Variants in NAV3 observed in about 807,000 individuals in gnomAD.
NAV3 encodes neuron navigator 3.
NAV3 carries 87 observed loss-of-function variants against 244.7 expected under a neutral mutation model. The ratio of observed to expected loss-of-function variants is 0.36; its 90% CI spans 0.30 to 0.42. NAV3 has a LOEUF of 0.42. Among genes scored for constraint, NAV3 ranks in the 20% least tolerant of loss-of-function variants. The pLI, the probability that NAV3 is intolerant of heterozygous loss-of-function variation, is 1.00. For synonymous variants in NAV3, 1,126 were observed against 1,042.2 expected (o/e 1.08, Z -1.55); for missense variants, 2,663 against 2,893.3 (o/e 0.92, Z 1.83).
chr12:77,694,019 G>A (rs1242440637), intron 2 of NAV3, among the ~76,000 whole-genome samples: 1 of 152,026 alleles, frequency 6.6e-6, no homozygotes, highest in African/African-American at 2.4e-5. Context: ...TTTTGCTACA[G>A]TAATGCAATC....
intron 9 of NAV3, among the ~76,000 whole-genome samples, chr12:78,048,513 C>A (rs1882220378): frequency 6.6e-6 from 1 of 152,176 alleles, no homozygotes. Flanking sequence ...GAGGTTCACT[C>A]CAGATCCTAT....
intron 2 of NAV3, among the ~76,000 whole-genome samples, chr12:77,658,907 T>C (rs1265764325): frequency 2.6e-5 from 4 of 152,236 alleles, no homozygotes; most frequent in Admixed American, 6.5e-5. Context: ...GCTATCCATA[T>C]GTAGAAAGCT....
chr12:77,880,209 C>T (rs967783407), intron 1 of NAV3, among the ~76,000 whole-genome samples: 5 of 152,042 alleles, frequency 3.3e-5, no homozygotes, highest in African/African-American at 7.2e-5. Flanking sequence ...AGTCATGAGT[C>T]GCACAATTCT....
At chr12:77,956,088 A>C (rs1197411156) in intron 3 of NAV3, among the ~76,000 whole-genome samples, 3 of 152,168 alleles carry the variant, frequency 2.0e-5, no homozygotes, top group South Asian at 4.1e-4. Flanking sequence ...TAACCAAAGC[A>C]AAAATATTAC....
chr12:77,710,371 T>TTGGCTATCACACCCGATGAGGCAA (rs1876048446), intron 2 of NAV3, among the ~76,000 whole-genome samples: 1 of 152,190 alleles, frequency 6.6e-6, no homozygotes, highest in African/African-American at 2.4e-5. Flanking sequence ...TGTGTGGAGC[T>TTGGCTATCACACCCGATGAGGCAA]CTTCCAGATA....
chr12:78,105,717 A>G (rs1954767341), intron 12 of NAV3, among the ~76,000 whole-genome samples: 1 of 151,670 alleles, frequency 6.6e-6, no homozygotes, highest in African/African-American at 2.4e-5. Context: ...TGCAAAATGT[A>G]AAAAAAACAA....
rs1050731907 is a variant in NAV3 at position 78,212,527 on chromosome 12, A to C, written c.*2010A>C. 2 of 152,648 alleles carry C rather than the reference A, an allele frequency of 1.3e-5. No homozygotes were observed. The highest frequency in any genetic ancestry group is 2.9e-5 in the Non-Finnish European group (2 of 68,050). The allele number at this position is 152,648 out of a possible 1,614,324, so 9.5% of individuals were successfully genotyped here. ...ATTGTCACCCTGACTTTGAAGCCTCAAACATGGATCAAATCTGTTGTGAAA... is the reference window on the plus strand; with the variant it reads ...ATTGTCACCCTGACTTTGAAGCCTCCAACATGGATCAAATCTGTTGTGAAA... On this transcript the variant is annotated 3_prime_UTR_variant, in exon 40 of 40. Transcript: ENST00000397909.
intron 12 of NAV3, among the ~76,000 whole-genome samples, chr12:78,106,117 T>G (rs2138303522): frequency 6.6e-6 from 1 of 151,902 alleles, no homozygotes; most frequent in Admixed American, 6.6e-5. Flanking sequence ...AGCATACAGA[T>G]TAGCAAAGAA....
chr12:78,177,031 AC>A, intron 26 of NAV3, 109 bp from the exon 27 acceptor site: 1 of 1,000,484 alleles, frequency 1.0e-6, no homozygotes, highest in East Asian at 2.4e-5. Flanking sequence ...CTCTGCTTGT[AC>A]ATACTGACCC....
chr12:77,773,265 C>T (rs1336199774), intron 2 of NAV3, among the ~76,000 whole-genome samples: 1 of 151,150 alleles, frequency 6.6e-6, no homozygotes, highest in Admixed American at 6.6e-5. Context: ...ATAATTGTCA[C>T]AGATAAAAAA....
intron 9 of NAV3, among the ~76,000 whole-genome samples, chr12:78,046,668 G>A (rs1426493356): frequency 6.6e-6 from 1 of 152,172 alleles, no homozygotes; most frequent in Non-Finnish European, 1.5e-5. Flanking sequence ...ATCAGTTTTA[G>A]AATAAGTGTG....
chr12:78,107,897 A>G (rs1238614279), intron 12 of NAV3, among the ~76,000 whole-genome samples: 2 of 152,186 alleles, frequency 1.3e-5, no homozygotes, highest in African/African-American at 4.8e-5. Context: ...CAATAAGGGA[A>G]AAAGAAAGGA....
At chr12:77,693,805 A>C (rs1335786033) in intron 2 of NAV3, among the ~76,000 whole-genome samples, 1 of 152,100 alleles carries the variant, frequency 6.6e-6, no homozygotes, top group East Asian at 1.9e-4. Flanking sequence ...ATCGTGCTGC[A>C]TAACTTTCTG....
At chr12:77,798,627 T>C (rs1871548952) in intron 2 of NAV3, among the ~76,000 whole-genome samples, 1 of 152,082 alleles carries the variant, frequency 6.6e-6, no homozygotes, top group Admixed American at 6.6e-5. Context: ...AATATATAAA[T>C]GTTAGTTTTT....
At chr12:78,090,215 T>C (rs1953852955) in intron 12 of NAV3, among the ~76,000 whole-genome samples, 1 of 148,638 alleles carries the variant, frequency 6.7e-6, no homozygotes, top group Non-Finnish European at 1.5e-5. Flanking sequence ...GGTTGAATTA[T>C]ACATATATAA....
chr12:77,961,377 TTAA>T (rs1442097289), intron 3 of NAV3, among the ~76,000 whole-genome samples: 1 of 52,416 alleles, frequency 1.9e-5, no homozygotes, highest in African/African-American at 4.0e-5. Context: ...AATAAATATA[TTAA>T]TATAAATACA....
intron 11 of NAV3, among the ~76,000 whole-genome samples, chr12:78,052,988 G>A (rs919939081): frequency 6.6e-6 from 1 of 151,954 alleles, no homozygotes; most frequent in African/African-American, 2.4e-5. Flanking sequence ...GGAAGCCAAG[G>A]CAGATGGATC....
chr12:77,992,968 G>T (rs1013431197), intron 5 of NAV3, among the ~76,000 whole-genome samples: 1 of 152,204 alleles, frequency 6.6e-6, no homozygotes, highest in East Asian at 1.9e-4. Context: ...AAGCAGAACA[G>T]AAGCTGCCTT....
chr12:77,863,362 A>G (rs1879534250), intron 1 of NAV3, among the ~76,000 whole-genome samples: 1 of 151,890 alleles, frequency 6.6e-6, no homozygotes. Context: ...TTTTCTGACT[A>G]CTAGTTTAAC....
Sources: allele counts gnomAD v4.1 joint callset (sites outside exome capture counted in the v4.1 genomes callset), GRCh38; gene constraint gnomAD v4.1.1; transcripts MANE v1.5; gene names NCBI Gene and HGNC (gene_info 2026-07-23, HGNC 2026-07-21).